Variants in CCNJ observed in about 807,000 individuals in gnomAD.
CCNJ encodes cyclin J.
A neutral mutation model predicts 41.4 loss-of-function variants in CCNJ; 12 were observed. The ratio of observed to expected loss-of-function variants is 0.29; its 90% confidence interval spans 0.19 to 0.47. CCNJ has a LOEUF of 0.47. CCNJ is among the 20% of genes least tolerant of loss of function. CCNJ has a pLI of 1.00. For missense variants in CCNJ, 340 were observed against 464.6 expected, an observed-to-expected ratio of 0.73 and a Z score of 2.47; for synonymous variants, 161 against 173.4, an observed-to-expected ratio of 0.93 and a Z score of 0.56.
chr10:96,045,170 A>G (rs1274045992), intron 2 of CCNJ, among the ~76,000 whole-genome samples: 2 of 152,230 alleles, frequency 1.3e-5, no homozygotes, highest in Non-Finnish European at 2.9e-5. Flanking sequence ...AACACAAAGC[A>G]AAGTCTGTGT....
At position 96,059,901 on chromosome 10, in the gene CCNJ, T is replaced by C. The variant is rs147943165; in HGVS notation, c.*1660T>C. 7.9e-5 allele frequency: 12 copies of C among 152,734 alleles called. No homozygotes were observed. The East Asian group carries it at 2.3e-3, about 29-fold the overall frequency. 9.5% of individuals were successfully genotyped at this position (152,734 alleles called of 1,614,324 possible). A position where few individuals can be genotyped will look rare whatever the true frequency, so the allele number is the denominator to read the frequency against. ...GTCAGTATCAATGCTTAGAGAAATATCCTTTCCTTAAAAAGAAAATAACTT... is the reference window on the plus strand; with the variant it reads ...GTCAGTATCAATGCTTAGAGAAATACCCTTTCCTTAAAAAGAAAATAACTT... On this transcript the variant is annotated 3_prime_UTR_variant, in exon 6 of 6. Transcript: ENST00000465148.
rs772597556 is a variant in CCNJ, at chr10:96,057,227, G to A, written c.720G>A (p.Gln240=). Residue 240 remains glutamine (Q), a synonymous_variant, in exon 5 of 6, where the codon CAG becomes CAA. Transcript: ENST00000465148. ...LTAYSWDFLV[Q]CIERLLIAHD... ...CCTACTCTTGGGATTTCTTAGTGCA[G>A]TGTATTGAACGACTGTTGATGTAAG... is the stretch of plus-strand genomic sequence containing the variant. The A allele has an allele frequency of 6.2e-7, 1 of 1,614,056 alleles. No homozygotes were observed. Among genetic ancestry groups the A allele is most frequent in the Non-Finnish European group, 8.5e-7 (1 of 1,179,898 alleles).
intron 3 of CCNJ, among the ~76,000 whole-genome samples, chr10:96,050,873 T>G (rs2080502151): frequency 6.6e-6 from 1 of 152,158 alleles, no homozygotes; most frequent in Admixed American, 6.5e-5. Context: ...TGTACAGACG[T>G]TTTGGTTGTC....
intron 3 of CCNJ, 71 bp downstream of exon 3, chr10:96,050,537 C>T (rs2080492001): frequency 2.6e-6 from 3 of 1,144,330 alleles, no homozygotes; most frequent in African/African-American, 1.6e-5. Flanking sequence ...TTATGTAGAA[C>T]TCAGTGAAAT....
chr10:96,049,552 T>G (rs977246889), intron 2 of CCNJ, among the ~76,000 whole-genome samples: 2 of 151,116 alleles, frequency 1.3e-5, no homozygotes, highest in Non-Finnish European at 2.9e-5. Context: ...ACTTCTTCTA[T>G]TGTGATACCT....
At position 96,058,202 on chromosome 10, in the gene CCNJ, T is replaced by C. The variant is rs758327236; in HGVS notation, c.1113T>C (p.Asn371=). The change falls in exon 6 of 6, where the codon AAT becomes AAC. Residue 371 remains asparagine, a synonymous_variant. Transcript: ENST00000465148. The part of the protein sequence containing the change: ...SVSYNRSYQI[N]EHYPCITPCF... ...CTTACAACCGGAGTTATCAGATAAATGAACATTACCCTTGTATTACTCCAT... is the reference window on the plus strand; with the variant it reads ...CTTACAACCGGAGTTATCAGATAAACGAACATTACCCTTGTATTACTCCAT... 9 of 1,614,126 alleles carry C rather than the reference T, an allele frequency of 5.6e-6. No homozygotes were observed. In the East Asian group the frequency reaches 1.6e-4, roughly 28 times the overall value.
At chr10:96,044,606 A>G in intron 2 of CCNJ, 144 bp downstream of exon 2, 2 of 553,922 alleles carry the variant, frequency 3.6e-6, no homozygotes, top group Non-Finnish European at 5.7e-6. Context: ...GCTCAAGGTT[A>G]ATTAACTTCT....
At chr10:96,050,605 C>T (rs2080494452) in intron 3 of CCNJ, 139 bp downstream of exon 3, 5 of 666,566 alleles carry the variant, frequency 7.5e-6, no homozygotes, top group South Asian at 2.0e-5. Context: ...GTTAAAAGTG[C>T]TTCTCAGTGT....
intron 3 of CCNJ, among the ~76,000 whole-genome samples, chr10:96,055,874 T>C (rs1256779126): frequency 6.6e-6 from 1 of 152,212 alleles, no homozygotes; most frequent in Non-Finnish European, 1.5e-5. Flanking sequence ...TGTGGAATGA[T>C]AGTGCTTGTG....
intron 3 of CCNJ, among the ~76,000 whole-genome samples, chr10:96,053,459 C>T (rs1217456197): frequency 6.6e-6 from 1 of 152,174 alleles, no homozygotes; most frequent in African/African-American, 2.4e-5. Context: ...CTTTAGCCTG[C>T]CTCCTTTACC....
chr10:96,054,620 A>G (rs1487296682), intron 3 of CCNJ, among the ~76,000 whole-genome samples: 1 of 152,208 alleles, frequency 6.6e-6, no homozygotes, highest in African/African-American at 2.4e-5. Context: ...GTTCTGGTCT[A>G]GAAGTGCAAA....
chr10:96,052,245 G>C (rs1057153240), intron 3 of CCNJ, among the ~76,000 whole-genome samples: 7 of 152,198 alleles, frequency 4.6e-5, no homozygotes, highest in African/African-American at 1.7e-4. Flanking sequence ...GGGTTTAATA[G>C]TTTGTATAAG....
chr10:96,043,997 C>T (rs2080287662), intron 1 of CCNJ, among the ~76,000 whole-genome samples: 1 of 152,196 alleles, frequency 6.6e-6, no homozygotes, highest in Non-Finnish European at 1.5e-5. Context: ...CCCCGCTCCT[C>T]AGGGAGGGCG....
chr10:96,052,488 G>T (rs1377495978), intron 3 of CCNJ, among the ~76,000 whole-genome samples: 6 of 152,200 alleles, frequency 3.9e-5, no homozygotes, highest in Non-Finnish European at 5.9e-5. Flanking sequence ...TTTTTAAAGT[G>T]TAGCGTGGGC....
chr10:96,046,847 T>G (rs1564701273), intron 2 of CCNJ, among the ~76,000 whole-genome samples: 1 of 152,224 alleles, frequency 6.6e-6, no homozygotes, highest in Non-Finnish European at 1.5e-5. Flanking sequence ...TGTGTATAGT[T>G]AGTGTCATAG....
chr10:96,044,471 G>C lies in CCNJ; in HGVS notation c.69+9G>C. On this transcript the variant is annotated intron_variant, in intron 2 of 5. Coordinates refer to ENST00000465148, the MANE Select transcript of CCNJ (RefSeq NM_001134375.2). ...AAGCGCTTCGCTACAAGGTAACTCCGAGGCCCGGCCTGCCTTCTCCTTCTG... is the reference window on the plus strand; with the variant it reads ...AAGCGCTTCGCTACAAGGTAACTCCCAGGCCCGGCCTGCCTTCTCCTTCTG... 2 of 1,528,326 alleles carry C rather than the reference G, an allele frequency of 1.3e-6. No individual in the cohort carries two copies. Among genetic ancestry groups the C allele is most frequent in the Non-Finnish European group, 1.8e-6 (2 of 1,129,640 alleles). 94.7% of individuals were successfully genotyped at this position (1,528,326 alleles called of 1,614,324 possible).
At position 96,059,683 on chromosome 10, in the gene CCNJ, A is replaced by C. The variant is rs2080777116; in HGVS notation, c.*1442A>C. 6.6e-6 allele frequency: 1 copy of C among 152,626 alleles called. No individual in the cohort carries two copies. Among genetic ancestry groups the C allele is most frequent in the African/African-American group, 2.4e-5 (1 of 41,458 alleles). 9.5% of individuals were successfully genotyped at this position (152,626 alleles called of 1,614,324 possible). A position where few individuals can be genotyped will look rare whatever the true frequency, so the allele number is the denominator to read the frequency against. On this transcript the variant is annotated 3_prime_UTR_variant, in exon 6 of 6. Coordinates refer to ENST00000465148, the MANE Select transcript of CCNJ (RefSeq NM_001134375.2). ...TTTTTTAAGATAGCACTTGAATAGA[A>C]GGGAAAACTGCATGGCAGATACGTG...
At chr10:96,048,444 C>A in intron 2 of CCNJ, among the ~76,000 whole-genome samples, 1 of 152,198 alleles carries the variant, frequency 6.6e-6, no homozygotes, top group East Asian at 1.9e-4. Flanking sequence ...TTGCCAGCAG[C>A]TGTCATAACA....
Position 96,060,290 on chromosome 10 carries a change from C to T in CCNJ, c.*2049C>T, listed in dbSNP as rs2080789072. 6.6e-6 allele frequency: 1 copy of T among 152,606 alleles called. No homozygotes were observed. 9.5% of individuals were successfully genotyped at this position (152,606 alleles called of 1,614,324 possible). ...AAACAACAGCCAGTGCCTGTGGTAA[C>T]TTAATGTCTTGTCAAATACTTTTAT... On this transcript the variant is annotated 3_prime_UTR_variant, in exon 6 of 6. Transcript: ENST00000465148.
Sources: gnomAD v4.1 joint callset for allele counts (sites outside exome capture counted in the v4.1 genomes callset) on GRCh38, gnomAD v4.1.1 for gene constraint, MANE v1.5 for transcripts, NCBI Gene and HGNC (gene_info 2026-07-23, HGNC 2026-07-21) for gene names.